The following CASZ1 variants were observed in gnomAD, a reference collection of about 807,000 sequenced individuals.
CASZ1 encodes castor zinc finger 1.
In CASZ1, 28 loss-of-function variants were observed where a neutral mutation model predicts 135.2. The observed-to-expected ratio is 0.21, with a 90% CI of 0.15 to 0.28. The LOEUF (loss-of-function observed/expected upper bound fraction) is 0.28, where lower values mean the gene tolerates loss of function less well. Ranked by LOEUF, CASZ1 falls within the 10% of genes least tolerant of loss-of-function variation. The pLI is 1.00. For missense variants in CASZ1, 2,161 were observed against 2,453.3 expected, an observed-to-expected ratio of 0.88 and a Z score of 2.52; for synonymous variants, 1,068 against 1,073.4, an observed-to-expected ratio of 0.99 and a Z score of 0.10.
chr1:10,690,187 G>A (rs370548637), intron 4 of CASZ1, among the ~76,000 whole-genome samples: 3 of 152,222 alleles, frequency 2.0e-5, no homozygotes, highest in East Asian at 1.9e-4. Context: ...CTCAGTCCCC[G>A]GTGCCTGGCA....
Position 10,677,963 on chromosome 1 carries a change from G to A in CASZ1, c.17-12392C>T, listed in dbSNP as rs143037354. On this transcript the variant is annotated intron_variant, in intron 4 of 20. Transcript: ENST00000377022. ...AAAGTGGAGGCTGGCTGCGTGGCCT[G>A]GCTGACCCACCGGAAATGGGTAGGA... Among the ~76,000 whole-genome samples the A allele has an allele frequency of 4.1e-3, 628 of 152,346 alleles. 3 individuals carry two copies. The highest frequency in any genetic ancestry group is 0.02 in the Middle Eastern group (6 of 294).
At position 10,655,709 on chromosome 1, in the gene CASZ1, G is replaced by A. The variant is rs771188277; in HGVS notation, c.1605C>T (p.Cys535=). 4 of 1,614,174 alleles carry A rather than the reference G, an allele frequency of 2.5e-6. No individual in the cohort carries two copies. The highest frequency in any genetic ancestry group is 1.1e-5 in the South Asian group (1 of 91,088). Residue 535 remains cysteine (C), a synonymous_variant, in exon 9 of 21, where the codon TGC becomes TGT. Coordinates refer to ENST00000377022, the MANE Select transcript of CASZ1 (RefSeq NM_001079843.3). ...GFMRFSPLDD[C]SVYYHGCHLN... ...GGTGGCAGCCGTGGTAGTAGACGCT[G>A]CAGTCGTCCAGCGGGCTGAAACGCA...
chr1:10,767,508 C>G lies in CASZ1; in HGVS notation c.-233-6651G>C, dbSNP rs1459634894. Among the ~76,000 whole-genome samples the G allele has an allele frequency of 1.3e-5, 2 of 152,132 alleles. No homozygotes were observed. Among genetic ancestry groups the G allele is most frequent in the Non-Finnish European group, 2.9e-5 (2 of 68,012 alleles). ...ATTGCAAAGCCAGGCCCAGGGAGGC[C>G]GGGAAGCAGAGAGCCGGAGGAGTCA... On this transcript the variant is annotated intron_variant, in intron 1 of 20. Coordinates refer to ENST00000377022, the MANE Select transcript of CASZ1 (RefSeq NM_001079843.3). This position sits in a 1 kb window ranked among gnomAD's most constrained non-coding sequence, Gnocchi z 4.2.
intron 2 of CASZ1, among the ~76,000 whole-genome samples, chr1:10,748,571 A>G (rs1247725024): frequency 2.0e-5 from 3 of 152,180 alleles, no homozygotes; most frequent in African/African-American, 7.2e-5. Context: ...TCTGAACTGC[A>G]ACTCAGGTCA....
intron 5 of CASZ1, among the ~76,000 whole-genome samples, chr1:10,661,948 C>A (rs138963424): frequency 0.013 from 1,898 of 150,060 alleles, 46 homozygotes; most frequent in African/African-American, 0.044. Flanking sequence ...TGCACTCATA[C>A]GCCATCACAT....
Position 10,788,711 on chromosome 1 carries a change from G to A in CASZ1, c.-234+7853C>T, listed in dbSNP as rs1156504970. On this transcript the variant is annotated intron_variant, in intron 1 of 20. Coordinates refer to ENST00000377022, the MANE Select transcript of CASZ1 (RefSeq NM_001079843.3). The surrounding 1 kb of genome is among the most constrained non-coding windows in gnomAD (Gnocchi z 4.1). ...GTCCCTGACCGCTGCCTCCTCACCCGGGAGCTGCCCCGGCCTCATCCTTGC... is the reference window on the plus strand; with the variant it reads ...GTCCCTGACCGCTGCCTCCTCACCCAGGAGCTGCCCCGGCCTCATCCTTGC... 2.6e-5 allele frequency among the ~76,000 whole-genome samples: 4 copies of A among 152,266 alleles called. No homozygotes were observed. The highest frequency in any genetic ancestry group is 3.9e-4 in the East Asian group (2 of 5,164).
chr1:10,728,223 A>G (rs1026793608), intron 2 of CASZ1, among the ~76,000 whole-genome samples: 1 of 152,160 alleles, frequency 6.6e-6, no homozygotes, highest in Non-Finnish European at 1.5e-5. Context: ...GGCTCTTCCC[A>G]CTGGCCTGAG....
chr1:10,787,838 G>C (rs952181319), intron 1 of CASZ1, among the ~76,000 whole-genome samples: 1 of 151,990 alleles, frequency 6.6e-6, no homozygotes, highest in Non-Finnish European at 1.5e-5. Flanking sequence ...CTCTCCCTCC[G>C]GGCTTCCCAC....
At chr1:10,791,332 T>C (rs1400289772) in intron 1 of CASZ1, among the ~76,000 whole-genome samples, 1 of 152,224 alleles carries the variant, frequency 6.6e-6, no homozygotes, top group Non-Finnish European at 1.5e-5. Flanking sequence ...AACTTAGTCT[T>C]TCCAATTAAC....
At chr1:10,744,974 C>T (rs904871482) in intron 2 of CASZ1, among the ~76,000 whole-genome samples, 2 of 152,134 alleles carry the variant, frequency 1.3e-5, no homozygotes, top group Admixed American at 6.5e-5. Flanking sequence ...CAGCAACCGG[C>T]GAGGAAGTTT....
intron 2 of CASZ1, among the ~76,000 whole-genome samples, chr1:10,742,969 A>G (rs1235295249): frequency 6.6e-6 from 1 of 151,874 alleles, no homozygotes; most frequent in Non-Finnish European, 1.5e-5. Flanking sequence ...TGGGCAACAG[A>G]GCAAGACTCC....
chr1:10,757,006 TGCAGA>T lies in CASZ1; in HGVS notation c.-77+3690_-77+3694del, dbSNP rs989622598. 6.6e-6 allele frequency among the ~76,000 whole-genome samples: 1 copy of T among 152,170 alleles called. No homozygotes were observed. Among genetic ancestry groups the T allele is most frequent in the Non-Finnish European group, 1.5e-5 (1 of 68,030 alleles). ...AGCAAACACACAAAGCTGGCTTCAG[TGCAGA>T]GCCAGGGCTGAAAGGATAGTGTGTG... On this transcript the variant is annotated intron_variant, in intron 2 of 20. Coordinates refer to ENST00000377022, the MANE Select transcript of CASZ1 (RefSeq NM_001079843.3). This position sits in a 1 kb window ranked among gnomAD's most constrained non-coding sequence, Gnocchi z 4.6.
chr1:10,671,807 A>AC (rs1330063828), intron 4 of CASZ1, among the ~76,000 whole-genome samples: 5 of 152,352 alleles, frequency 3.3e-5, no homozygotes, highest in Non-Finnish European at 7.3e-5. Context: ...CAGGAAAGGC[A>AC]GCATCATCTA....
At chr1:10,752,739 A>G (rs205480) in intron 2 of CASZ1, among the ~76,000 whole-genome samples, 5,652 of 152,348 alleles carry the variant, frequency 0.037, 340 homozygotes, top group African/African-American at 0.13. Flanking sequence ...TGAATTTCTA[A>G]TAAACAATGA....
At position 10,653,923 on chromosome 1, in the gene CASZ1, C is replaced by T. The variant is rs138028609; in HGVS notation, c.2134G>A (p.Ala712Thr). The change falls in exon 11 of 21, where the codon GCC becomes ACC. Residue 712 changes from alanine to threonine, a missense_variant. Transcript: ENST00000377022. The stretch of plus-strand genomic sequence containing the variant: ...GACTCCTCGTGCTCCGTGTCCTTGG[C>T]GCCCAGCAGCGAGGGCGGCAGCCCC... ...ALGLPPSLLG[A>T]KDTEHEESSN... 180 of 1,613,560 alleles carry T rather than the reference C, an allele frequency of 1.1e-4. 1 individual carries two copies. In the East Asian group the frequency reaches 3.8e-3, roughly 34 times the overall value.
intron 13 of CASZ1, chr1:10,650,474 A>G (rs1642531558): frequency 2.1e-6 from 1 of 471,016 alleles, no homozygotes; most frequent in South Asian, 4.4e-5. Context: ...AAAAGGTGTC[A>G]GAGGCTGGAA....
In CASZ1 at chr1:10,650,926, G is replaced by A. The variant is rs780907297; in HGVS notation, c.2816+15C>T. ...TGGTTCCCGGGGCTGGCTCCCATAGGGGGCCTCGCCTCACCTGGGCTCCTT... is the reference window on the plus strand; with the variant it reads ...TGGTTCCCGGGGCTGGCTCCCATAGAGGGCCTCGCCTCACCTGGGCTCCTT... On this transcript the variant is annotated intron_variant, in intron 12 of 20. Coordinates refer to ENST00000377022, the MANE Select transcript of CASZ1 (RefSeq NM_001079843.3). The A allele has an allele frequency of 1.2e-5, 20 of 1,607,072 alleles. No individual in the cohort carries two copies. Among genetic ancestry groups the A allele is most frequent in the East Asian group, 2.2e-5 (1 of 44,844 alleles).
In CASZ1 at chr1:10,649,383, C is replaced by T. The variant is rs761525329; in HGVS notation, c.2935G>A (p.Glu979Lys). The T allele has an allele frequency of 3.7e-6, 6 of 1,609,146 alleles. No homozygotes were observed. The African/African-American group carries it at 8.0e-5, about 22-fold the overall frequency. ...GSLLNIKAEA[E>K]GSPAAEPSPF... is the part of the protein sequence containing the mutation. Reference sequence around the variant, plus strand: ...GAGGGCTCCGCAGCGGGGCTCCCCTCCGCTTCCGCCTTGATGTTCAGCAGG... The same window carrying T: ...GAGGGCTCCGCAGCGGGGCTCCCCTTCGCTTCCGCCTTGATGTTCAGCAGG... Residue 979 changes from glutamate to lysine, a missense_variant, in exon 14 of 21, where the codon GAG becomes AAG. Glu to Lys is a moderately conservative substitution (Grantham distance 56). Coordinates refer to ENST00000377022, the MANE Select transcript of CASZ1 (RefSeq NM_001079843.3).
rs1278742629 is a variant in CASZ1 at position 10,699,716 on chromosome 1, A to T, written c.-24+5776T>A. 1.3e-5 allele frequency among the ~76,000 whole-genome samples: 2 copies of T among 152,174 alleles called. No individual in the cohort carries two copies. Among genetic ancestry groups the T allele is most frequent in the Non-Finnish European group, 2.9e-5 (2 of 68,040 alleles). On this transcript the variant is annotated intron_variant, in intron 3 of 20. Transcript: ENST00000377022. This position sits in a 1 kb window ranked among gnomAD's most constrained non-coding sequence, Gnocchi z 4.6. Reference sequence around the variant, plus strand: ...ATCCTCCACTTTGGAGGGAGAGAGAAGGAGGAAAAAACCCCAAACCAAAAT... The same window carrying T: ...ATCCTCCACTTTGGAGGGAGAGAGATGGAGGAAAAAACCCCAAACCAAAAT...
Sources: allele counts gnomAD v4.1 joint callset (sites outside exome capture counted in the v4.1 genomes callset), GRCh38; gene constraint gnomAD v4.1.1; non-coding constraint Gnocchi (gnomAD v3.1); transcripts MANE v1.5; gene names NCBI Gene and HGNC (gene_info 2026-07-23, HGNC 2026-07-21).